PDE4B: variants seen among roughly 807,000 people sequenced by gnomAD.
PDE4B encodes 3',5'-cyclic-AMP phosphodiesterase 4B.
Under a neutral mutation model 82.2 loss-of-function variants are expected in PDE4B, and 20 were observed. The ratio of observed to expected loss-of-function variants is 0.24; its 90% CI spans 0.17 to 0.35. The LOEUF is 0.35. PDE4B is among the 10% of genes least tolerant of loss of function. The pLI is 1.00. For synonymous variants in PDE4B, 320 were observed against 318.9 expected (o/e 1.00, Z -0.04); for missense variants, 655 against 907.2 (o/e 0.72, Z 3.57).
intron 1 of PDE4B, among the ~76,000 whole-genome samples, chr1:65,895,509 C>T (rs968226913): frequency 2.1e-5 from 3 of 145,928 alleles, no homozygotes; most frequent in Admixed American, 7.0e-5. Flanking sequence ...GAGATCACGC[C>T]GCTGCACTCT....
chr1:66,234,371 C>G (rs948572927), intron 3 of PDE4B, among the ~76,000 whole-genome samples: 1 of 152,176 alleles, frequency 6.6e-6, no homozygotes, highest in Non-Finnish European at 1.5e-5. Context: ...TCACTGCAAC[C>G]TCTGCCTCCC....
At chr1:66,149,371 A>T (rs962704339) in intron 3 of PDE4B, among the ~76,000 whole-genome samples, 1 of 152,182 alleles carries the variant, frequency 6.6e-6, no homozygotes, top group Admixed American at 6.5e-5. Context: ...ATTATTGATT[A>T]TATAATTTGC....
At chr1:66,173,076 C>A (rs1468700071) in intron 3 of PDE4B, among the ~76,000 whole-genome samples, 1 of 152,100 alleles carries the variant, frequency 6.6e-6, no homozygotes, top group East Asian at 1.9e-4. Context: ...CATGGATACA[C>A]CTGTATCAGA....
At chr1:66,316,739 A>G (rs1443779568) in intron 7 of PDE4B, among the ~76,000 whole-genome samples, 1 of 152,260 alleles carries the variant, frequency 6.6e-6, no homozygotes, top group Non-Finnish European at 1.5e-5. Flanking sequence ...ACCAACAGGG[A>G]AAAAGTAAGC....
chr1:65,969,548 G>C (rs1019411271), intron 3 of PDE4B, among the ~76,000 whole-genome samples: 2 of 152,108 alleles, frequency 1.3e-5, no homozygotes, highest in Non-Finnish European at 2.9e-5. Flanking sequence ...AATGTATTTA[G>C]TTGAAAAAAC....
intron 13 of PDE4B, among the ~76,000 whole-genome samples, chr1:66,367,219 A>C (rs1033253981): frequency 6.6e-6 from 1 of 152,234 alleles, no homozygotes; most frequent in South Asian, 2.1e-4. Flanking sequence ...GAAGTTTTAC[A>C]TCAAGCATTA....
chr1:65,839,680 A>G (rs917631833), intron 1 of PDE4B, among the ~76,000 whole-genome samples: 1 of 152,130 alleles, frequency 6.6e-6, no homozygotes, highest in Non-Finnish European at 1.5e-5. Context: ...ATTGATTAGC[A>G]TTTGAGTTGG....
At chr1:65,794,182 G>A (rs575937978) in intron 1 of PDE4B, among the ~76,000 whole-genome samples, 20 of 152,052 alleles carry the variant, frequency 1.3e-4, no homozygotes, top group African/African-American at 4.1e-4. Context: ...GAACAGAAAT[G>A]GTAACTCTAT....
At chr1:66,302,475 G>A (rs1657965627) in intron 7 of PDE4B, among the ~76,000 whole-genome samples, 1 of 152,124 alleles carries the variant, frequency 6.6e-6, no homozygotes, top group African/African-American at 2.4e-5. Flanking sequence ...AATCTGGATG[G>A]GCAATTGAGG....
intron 3 of PDE4B, among the ~76,000 whole-genome samples, chr1:66,193,848 A>G (rs1441485093): frequency 6.6e-6 from 1 of 152,138 alleles, no homozygotes; most frequent in East Asian, 1.9e-4. Context: ...AAATCATTAT[A>G]GTGATAGAGT....
intron 3 of PDE4B, among the ~76,000 whole-genome samples, chr1:66,203,900 T>A (rs557683351): frequency 6.6e-6 from 1 of 152,248 alleles, no homozygotes; most frequent in Non-Finnish European, 1.5e-5. Flanking sequence ...GGAACTGCAT[T>A]CCTTTGGAGG....
At chr1:65,798,154 A>G (rs1570944538) in intron 1 of PDE4B, among the ~76,000 whole-genome samples, 1 of 149,188 alleles carries the variant, frequency 6.7e-6, no homozygotes. Flanking sequence ...AGTAGCTGGG[A>G]TTACAGGTGT....
At chr1:66,346,758 C>G (rs1246792503) in intron 8 of PDE4B, among the ~76,000 whole-genome samples, 1 of 152,120 alleles carries the variant, frequency 6.6e-6, no homozygotes, top group Non-Finnish European at 1.5e-5. Flanking sequence ...AAAGCAAAGC[C>G]AAAGTGAGAA....
intron 3 of PDE4B, among the ~76,000 whole-genome samples, chr1:66,238,108 G>T (rs1652605271): frequency 6.6e-6 from 1 of 152,194 alleles, no homozygotes; most frequent in Non-Finnish European, 1.5e-5. Context: ...CATCCAGAGA[G>T]TAGAGGAGAA....
chr1:65,916,901 T>C (rs562101991), intron 2 of PDE4B, among the ~76,000 whole-genome samples: 23 of 152,198 alleles, frequency 1.5e-4, no homozygotes, highest in Non-Finnish European at 2.4e-4. Context: ...TTTTGTCTTC[T>C]TCCTGATACT....
At chr1:66,146,072 G>T (rs567329374) in intron 3 of PDE4B, among the ~76,000 whole-genome samples, 1 of 147,684 alleles carries the variant, frequency 6.8e-6, no homozygotes, top group East Asian at 2.1e-4. Context: ...AACATCTGCT[G>T]TTAGATATTC....
intron 3 of PDE4B, among the ~76,000 whole-genome samples, chr1:66,045,780 G>C (rs1297356547): frequency 6.6e-6 from 1 of 151,282 alleles, no homozygotes; most frequent in Non-Finnish European, 1.5e-5. Flanking sequence ...CCATGATTAA[G>C]AGTCTGACTA....
At chr1:65,811,514 T>C (rs1645818514) in intron 1 of PDE4B, among the ~76,000 whole-genome samples, 1 of 152,216 alleles carries the variant, frequency 6.6e-6, no homozygotes, top group Non-Finnish European at 1.5e-5. Flanking sequence ...AAAATAGAGC[T>C]GAGTGCAGTA....
chr1:66,205,534 T>C (rs1649476729), intron 3 of PDE4B, among the ~76,000 whole-genome samples: 1 of 152,226 alleles, frequency 6.6e-6, no homozygotes, highest in South Asian at 2.1e-4. Flanking sequence ...AACTACAAAG[T>C]AACAGCAGTG....
Sources: gnomAD v4.1 joint callset for allele counts (sites outside exome capture counted in the v4.1 genomes callset) on GRCh38, gnomAD v4.1.1 for gene constraint, MANE v1.5 for transcripts, NCBI Gene and HGNC (gene_info 2026-07-23, HGNC 2026-07-21) for gene names.